The following NEAT1 variants were observed in gnomAD, a reference collection of about 807,000 sequenced individuals.
The protein encoded by NEAT1 is nuclear paraspeckle assembly transcript 1.
chr11:65,429,914 G>C (rs953292383), exon 1 of NEAT1: 4 of 152,258 alleles, frequency 2.6e-5, no homozygotes, highest in Admixed American at 2.0e-4. Context: ...TGTCCTGTGA[G>C]GGTGGTTGTC....
chr11:65,441,561 C>CT (rs1277975959), exon 1 of NEAT1: 1 of 151,928 alleles, frequency 6.6e-6, no homozygotes, highest in African/African-American at 2.4e-5. Flanking sequence ...TCTTAATTAC[C>CT]TTTTTTATAT....
chr11:65,442,290 G>A (rs1856721412), exon 1 of NEAT1: 1 of 152,254 alleles, frequency 6.6e-6, no homozygotes, highest in Admixed American at 6.5e-5. Flanking sequence ...ATTAGTTAAG[G>A]GCAGTTGTGA....
exon 1 of NEAT1, chr11:65,435,815 A>G (rs1053333374): frequency 6.6e-6 from 1 of 152,234 alleles, no homozygotes; most frequent in African/African-American, 2.4e-5. Context: ...GCTTAGCACA[A>G]AACAGTAGTG....
exon 1 of NEAT1, chr11:65,443,863 T>G (rs546049905): frequency 1.3e-5 from 2 of 153,042 alleles, no homozygotes; most frequent in South Asian, 3.9e-4. Context: ...CAGTGGCACG[T>G]TTCCCCGCGT....
At chr11:65,427,921 A>T (rs1338570973) in exon 1 of NEAT1, 1 of 152,164 alleles carries the variant, frequency 6.6e-6, no homozygotes, top group East Asian at 1.9e-4. Context: ...AATGTTGGGG[A>T]TTGGAAGTGG....
exon 1 of NEAT1, chr11:65,427,712 C>T (rs1856575574): frequency 6.6e-6 from 1 of 152,174 alleles, no homozygotes; most frequent in Admixed American, 6.5e-5. Context: ...TCCTATCTTA[C>T]CCCTTTGCTT....
At chr11:65,437,578 C>T (rs1195298574) in exon 1 of NEAT1, 2 of 152,090 alleles carry the variant, frequency 1.3e-5, no homozygotes, top group African/African-American at 2.4e-5. Context: ...CCAGAATTCT[C>T]CTGGCTATTC....
exon 1 of NEAT1, chr11:65,437,996 C>G (rs1856676797): frequency 6.6e-6 from 1 of 152,184 alleles, no homozygotes; most frequent in South Asian, 2.1e-4. Context: ...GGGTTGTTTT[C>G]CAAGCTTCTG....
exon 1 of NEAT1, chr11:65,442,368 C>A: frequency 6.8e-6 from 1 of 146,234 alleles, no homozygotes. Flanking sequence ...GGGTGGGGAC[C>A]TTTGGGCTCT....
exon 1 of NEAT1, chr11:65,436,423 C>T (rs925554182): frequency 6.6e-6 from 1 of 152,234 alleles, no homozygotes; most frequent in African/African-American, 2.4e-5. Flanking sequence ...GTTAATTTCA[C>T]CTATGAATAG....
chr11:65,444,228 A>G (rs1446048046), exon 1 of NEAT1: 4 of 329,366 alleles, frequency 1.2e-5, no homozygotes, highest in African/African-American at 9.0e-5. Flanking sequence ...TGAGGCCTGC[A>G]GACCTGGCTC....
chr11:65,429,568 C>T (rs1856596264), exon 1 of NEAT1: 1 of 151,694 alleles, frequency 6.6e-6, no homozygotes, highest in African/African-American at 2.4e-5. Flanking sequence ...TTTGCAAAAG[C>T]CATTTACATC....
chr11:65,433,691 C>T (rs1327653724), exon 1 of NEAT1: 1 of 150,964 alleles, frequency 6.6e-6, no homozygotes, highest in African/African-American at 2.4e-5. Flanking sequence ...ATATTAACTT[C>T]TTATAATTTT....
chr11:65,438,351 TTTC>T (rs1856683897), exon 1 of NEAT1: 2 of 151,384 alleles, frequency 1.3e-5, no homozygotes, highest in African/African-American at 4.8e-5. Context: ...GGTAATATTG[TTTC>T]TTCTAAGAAT....
At chr11:65,430,315 T>A (rs1276639844) in exon 1 of NEAT1, 1 of 152,406 alleles carries the variant, frequency 6.6e-6, no homozygotes, top group East Asian at 1.9e-4. Flanking sequence ...CGCCTGGCGC[T>A]GGACCTTTCA....
exon 1 of NEAT1, chr11:65,442,368 C>T (rs1856722184): frequency 6.8e-6 from 1 of 146,234 alleles, no homozygotes; most frequent in African/African-American, 2.5e-5. Flanking sequence ...GGGTGGGGAC[C>T]TTTGGGCTCT....
At chr11:65,425,783 TTAATAA>T (rs1386465237) in exon 1 of NEAT1, 1 of 152,184 alleles carries the variant, frequency 6.6e-6, no homozygotes, top group Admixed American at 6.6e-5. Flanking sequence ...TTGGTCGATA[TTAATAA>T]TGGCAAAATT....
exon 1 of NEAT1, chr11:65,438,904 C>G (rs1051316065): frequency 1.3e-5 from 2 of 152,122 alleles, no homozygotes; most frequent in South Asian, 4.1e-4. Flanking sequence ...TCATTATATA[C>G]CTAGGAGTAG....
chr11:65,439,737 A>G (rs1856696856), exon 1 of NEAT1: 1 of 152,144 alleles, frequency 6.6e-6, no homozygotes, highest in African/African-American at 2.4e-5. Flanking sequence ...AGATATGGCA[A>G]AAAGTCTCAA....
Sources: gnomAD v4.1 joint callset for allele counts on GRCh38, gnomAD v4.1.1 for gene constraint, MANE v1.5 for transcripts, NCBI Gene and HGNC (gene_info 2026-07-23, HGNC 2026-07-21) for gene names.